ARHGAP25: variants seen among roughly 807,000 people sequenced by gnomAD.
ARHGAP25 encodes the protein Rho GTPase activating protein 25, also known as rho GTPase-activating protein 25.
In ARHGAP25, 34 loss-of-function variants were observed where a neutral mutation model predicts 71.0. The observed-to-expected ratio is 0.48, with a 90% CI of 0.36 to 0.64. The LOEUF (loss-of-function observed/expected upper bound fraction) is 0.64. Among genes scored for constraint, ARHGAP25 ranks in the 30% least tolerant of loss-of-function variants. The pLI is 0.00. For missense variants in ARHGAP25, 706 were observed against 805.1 expected, an observed-to-expected ratio of 0.88 and a Z score of 1.49; for synonymous variants, 282 against 296.5, an observed-to-expected ratio of 0.95 and a Z score of 0.50.
At chr2:68,776,433 T>A (rs1677928092) in intron 2 of ARHGAP25, among the ~76,000 whole-genome samples, 1 of 152,122 alleles carries the variant, frequency 6.6e-6, no homozygotes, top group African/African-American at 2.4e-5. Flanking sequence ...ACGCAAGTAA[T>A]CTAGGTAAGG....
At chr2:68,820,367 C>T (rs1397522900) in intron 9 of ARHGAP25, among the ~76,000 whole-genome samples, 1 of 152,116 alleles carries the variant, frequency 6.6e-6, no homozygotes, top group Non-Finnish European at 1.5e-5. Flanking sequence ...TATTGAGGAG[C>T]AGAAACTCAG....
intron 4 of ARHGAP25, among the ~76,000 whole-genome samples, chr2:68,794,275 G>T (rs1326622117): frequency 3.3e-5 from 5 of 152,070 alleles, no homozygotes; most frequent in African/African-American, 1.2e-4. Context: ...TCTCTTGCCT[G>T]ATTACTCTGG....
At chr2:68,824,538 C>T (rs199628509) in intron 10 of ARHGAP25, among the ~76,000 whole-genome samples, 12 of 152,138 alleles carry the variant, frequency 7.9e-5, no homozygotes, top group Non-Finnish European at 1.5e-4. Context: ...GTCAGGAGAT[C>T]GAGACCATCC....
At position 68,826,401 on chromosome 2, in the gene ARHGAP25, A is replaced by G; in HGVS notation, c.*207A>G. 2.9e-6 allele frequency: 2 copies of G among 681,106 alleles called. No homozygotes were observed. The highest frequency in any genetic ancestry group is 5.3e-6 in the Non-Finnish European group (2 of 375,694). The allele number at this position is 681,106 out of a possible 1,614,324, so 42.2% of individuals were successfully genotyped here. A position where few individuals can be genotyped will look rare whatever the true frequency, so the allele number is the denominator to read the frequency against. On this transcript the variant is annotated 3_prime_UTR_variant, in exon 11 of 11. Coordinates refer to ENST00000409202, the MANE Select transcript of ARHGAP25 (RefSeq NM_001007231.3). The stretch of plus-strand genomic sequence containing the variant: ...TGTGTGTGGACATCTCTGACCATCC[A>G]TCGCTGTATTCAAATGGATTGTTTT...
At chr2:68,752,085 T>G (rs1047502321) in intron 1 of ARHGAP25, among the ~76,000 whole-genome samples, 1 of 152,206 alleles carries the variant, frequency 6.6e-6, no homozygotes, top group Non-Finnish European at 1.5e-5. Flanking sequence ...GGACCTCACT[T>G]ATTGTGTTGG....
chr2:68,774,332 G>A (rs143894703), intron 1 of ARHGAP25, among the ~76,000 whole-genome samples: 115 of 152,242 alleles, frequency 7.6e-4, no homozygotes, highest in Middle Eastern at 3.4e-3. Flanking sequence ...TCCTGGGTGG[G>A]GGTTACCATG....
chr2:68,773,188 GATAAC>G, intron 1 of ARHGAP25, among the ~76,000 whole-genome samples: 1 of 152,282 alleles, frequency 6.6e-6, no homozygotes, highest in Admixed American at 6.5e-5. Flanking sequence ...GAAATAGGGT[GATAAC>G]TCCAGATACA....
At chr2:68,813,575 A>G (rs147297084) in intron 6 of ARHGAP25, among the ~76,000 whole-genome samples, 156 bp downstream of exon 6, 45 of 152,388 alleles carry the variant, frequency 3.0e-4, no homozygotes, top group African/African-American at 8.9e-4. Context: ...GAACTCAATC[A>G]TAATGACTGG....
chr2:68,813,721 G>A (rs1681001349), intron 6 of ARHGAP25, among the ~76,000 whole-genome samples: 1 of 152,238 alleles, frequency 6.6e-6, no homozygotes, highest in Non-Finnish European at 1.5e-5. Context: ...GCCTTGCTGA[G>A]ACTTGCTGGG....
At chr2:68,734,429 A>C (rs1385574871), upstream of ARHGAP25, among the ~76,000 whole-genome samples, 1 of 152,172 alleles carries the variant, frequency 6.6e-6, no homozygotes. Context: ...GGCTGAGATC[A>C]CTTGCAAACT....
At chr2:68,776,094 G>A (rs1408758434) in intron 2 of ARHGAP25, among the ~76,000 whole-genome samples, 1 of 152,002 alleles carries the variant, frequency 6.6e-6, no homozygotes, top group Non-Finnish European at 1.5e-5. Context: ...GATCTCTGGG[G>A]AAAGAGTGTT....
chr2:68,752,677 T>A (rs1021040935), intron 1 of ARHGAP25, among the ~76,000 whole-genome samples: 3 of 152,088 alleles, frequency 2.0e-5, no homozygotes, highest in African/African-American at 7.2e-5. Flanking sequence ...TGTAAGTGAG[T>A]CCTGGAAATC....
chr2:68,793,873 T>G (rs1414627478), intron 4 of ARHGAP25, among the ~76,000 whole-genome samples: 1 of 152,164 alleles, frequency 6.6e-6, no homozygotes, highest in African/African-American at 2.4e-5. Context: ...GTAGTATGAT[T>G]ATTTTAATGA....
intron 1 of ARHGAP25, among the ~76,000 whole-genome samples, chr2:68,765,997 T>C (rs1055169221): frequency 3.3e-5 from 5 of 152,162 alleles, no homozygotes; most frequent in Admixed American, 1.3e-4. Flanking sequence ...CCTGGAAGGG[T>C]CCTTCCTGTG....
intron 9 of ARHGAP25, among the ~76,000 whole-genome samples, chr2:68,821,640 AT>A (rs957846267): frequency 1.3e-5 from 2 of 152,168 alleles, no homozygotes; most frequent in Non-Finnish European, 2.9e-5. Context: ...TTGTTGTCAA[AT>A]TTTGGGGGTT....
chr2:68,732,308 A>G (rs1675042263), upstream of ARHGAP25, among the ~76,000 whole-genome samples: 1 of 152,196 alleles, frequency 6.6e-6, no homozygotes, highest in African/African-American at 2.4e-5. Context: ...CCTACCCTGA[A>G]AAGTAAAGGA....
rs139966525 is a variant in ARHGAP25 at position 68,762,487 on chromosome 2, T to A, written c.62-12734T>A. Among the ~76,000 whole-genome samples the A allele has an allele frequency of 8.5e-5, 13 of 152,294 alleles. No individual in the cohort carries two copies. The East Asian group carries it at 2.5e-3, about 29-fold the overall frequency. On this transcript the variant is annotated intron_variant, in intron 1 of 10. Coordinates refer to ENST00000409202, the MANE Select transcript of ARHGAP25 (RefSeq NM_001007231.3). ...AAATATTACAACTCATTTTTCATCT[T>A]CAAAAGCTCTCGTATGCTATTAGAT...
intron 2 of ARHGAP25, among the ~76,000 whole-genome samples, chr2:68,725,758 C>T (rs777618597): frequency 1.3e-5 from 2 of 152,196 alleles, no homozygotes; most frequent in Non-Finnish European, 2.9e-5. Context: ...GTTGACCCAT[C>T]TCTTGTTATC....
Position 68,822,701 on chromosome 2 carries a change from C to T in ARHGAP25, c.1562C>T (p.Ser521Phe). The T allele has an allele frequency of 6.2e-7, 1 of 1,614,210 alleles. No individual in the cohort carries two copies. The highest frequency in any genetic ancestry group is 8.5e-7 in the Non-Finnish European group (1 of 1,180,050). The change falls in exon 10 of 11, where the codon TCT becomes TTT. Residue 521 changes from serine (S) to phenylalanine (F), a missense_variant. By Grantham distance (155) the Ser-to-Phe change is radical. Coordinates refer to ENST00000409202, the MANE Select transcript of ARHGAP25 (RefSeq NM_001007231.3). Reference protein sequence around the residue: ...GSPGEEASALSSQACDSKGDT... With the variant: ...GSPGEEASALFSQACDSKGDT... ...CCTGGGGAGGAAGCCAGTGCACTCT[C>T]TTCCCAAGCCTGTGACTCCAAGGGA...
Sources: allele counts gnomAD v4.1 joint callset (sites outside exome capture counted in the v4.1 genomes callset), GRCh38; gene constraint gnomAD v4.1.1; transcripts MANE v1.5; gene names NCBI Gene and HGNC (gene_info 2026-07-23, HGNC 2026-07-21).